The following GABRA6 variants were observed in gnomAD, a reference collection of about 807,000 sequenced individuals.
GABRA6 encodes the protein gamma-aminobutyric acid type A receptor subunit alpha6, also known as gamma-aminobutyric acid receptor subunit alpha-6.
In GABRA6, 45 loss-of-function variants were observed where a neutral mutation model predicts 47.3. The observed-to-expected ratio is 0.95, with a 90% CI of 0.75 to 1.22. The LOEUF (loss-of-function observed/expected upper bound fraction) is 1.22, where lower values mean the gene tolerates loss of function less well. Ranked by LOEUF, GABRA6 falls within the 50% of genes most tolerant of loss-of-function variation. The pLI, the probability that GABRA6 is intolerant of heterozygous loss-of-function variation, is 0.00. For missense variants in GABRA6, 583 were observed against 549.3 expected (o/e 1.06, Z -0.61); for synonymous variants, 219 against 194.7 (o/e 1.12, Z -1.04).
chr5:161,692,232 C>T, intron 8 of GABRA6, 32 bp downstream of exon 8: 6 of 1,613,622 alleles, frequency 3.7e-6, no homozygotes, highest in Non-Finnish European at 5.1e-6. Flanking sequence ...CATTACCTAC[C>T]GTAGGAAAAA....
chr5:161,696,847 A>T (rs1352974101), intron 8 of GABRA6, among the ~76,000 whole-genome samples: 1 of 152,100 alleles, frequency 6.6e-6, no homozygotes, highest in African/African-American at 2.4e-5. Context: ...TCAAAAAAAT[A>T]TTTTCTCTCA....
Position 161,702,153 on chromosome 5 carries a change from G to T in GABRA6, c.*380G>T. 4.4e-6 allele frequency: 1 copy of T among 229,822 alleles called. No individual in the cohort carries two copies. Among genetic ancestry groups the T allele is most frequent in the Non-Finnish European group, 8.7e-6 (1 of 114,832 alleles). 14.2% of individuals were successfully genotyped at this position (229,822 alleles called of 1,614,324 possible). A position where few individuals can be genotyped will look rare whatever the true frequency, so the allele number is the denominator to read the frequency against. On this transcript the variant is annotated 3_prime_UTR_variant, in exon 9 of 9. Coordinates refer to ENST00000274545, the MANE Select transcript of GABRA6 (RefSeq NM_000811.3). ...ACTTCCAAAGGTTGCCTTAAAATAT[G>T]TTTATTTTGGCTTAGTTCCCGAGAG...
Position 161,701,387 on chromosome 5 carries a change from T to C in GABRA6, c.1087-111T>C, listed in dbSNP as rs1754977661. ...GAATTCATTGATGTTTGACCTTACA[T>C]AGAAAGTAAGTCGTCAATAAATATT... On this transcript the variant is annotated intron_variant, in intron 8 of 8. Transcript: ENST00000274545. The C allele has an allele frequency of 1.3e-5, 15 of 1,196,406 alleles. No homozygotes were observed. The Admixed American group carries it at 2.6e-4, about 20-fold the overall frequency. The allele number at this position is 1,196,406 out of a possible 1,614,324, so 74.1% of individuals were successfully genotyped here. A position where few individuals can be genotyped will look rare whatever the true frequency, so the allele number is the denominator to read the frequency against.
At chr5:161,686,901 GT>G (rs2113065597) in intron 2 of GABRA6, 34 bp from the exon 3 acceptor site, 1 of 1,573,306 alleles carries the variant, frequency 6.4e-7, no homozygotes, top group East Asian at 2.2e-5. Flanking sequence ...AACATCAGTG[GT>G]GATAATTGTT....
chr5:161,690,440 C>T (rs930203987), intron 7 of GABRA6, 87 bp downstream of exon 7: 11 of 1,305,364 alleles, frequency 8.4e-6, no homozygotes, highest in Middle Eastern at 3.6e-4. Context: ...CACTGGTGCA[C>T]TTTTTCAATC....
In GABRA6 at chr5:161,692,070, T is replaced by A. The variant is rs139230878; in HGVS notation, c.956T>A (p.Ile319Asn). ...TTTGCATTCGTCTTCTCTGCGCTTA[T>A]CGAGTTCGCAGCTGTCAACTACTTT... Reference protein sequence around the residue: ...VCFAFVFSALIEFAAVNYFTN... With the variant: ...VCFAFVFSALNEFAAVNYFTN... The change falls in exon 8 of 9, where the codon ATC becomes AAC. Residue 319 changes from isoleucine (I) to asparagine (N), a missense_variant. Ile to Asn is a moderately radical substitution (Grantham distance 149). Transcript: ENST00000274545. The A allele has an allele frequency of 6.2e-7, 1 of 1,614,184 alleles. No homozygotes were observed. Among genetic ancestry groups the A allele is most frequent in the Non-Finnish European group, 8.5e-7 (1 of 1,180,030 alleles).
Position 161,696,806 on chromosome 5 carries a change from T to C in GABRA6, c.1086+4606T>C, listed in dbSNP as rs373816418. Among the ~76,000 whole-genome samples the C allele has an allele frequency of 3.7e-4, 56 of 152,310 alleles. No individual in the cohort carries two copies. The South Asian group carries it at 0.012, about 32-fold the overall frequency. ...CTAATTTTCCCCATAACGATTAATA[T>C]GATGACTTTTGCAAACTATCAATAC... On this transcript the variant is annotated intron_variant, in intron 8 of 8. Transcript: ENST00000274545.
rs1410189110 is a variant in GABRA6 at position 161,702,346 on chromosome 5, TG to T, written c.*574del. ...TTTTACCTCAATAAAATGTGGTGTT[TG>T]TATACATATAAATTATACATAGCTC... On this transcript the variant is annotated 3_prime_UTR_variant, in exon 9 of 9. Transcript: ENST00000274545. 3.8e-5 allele frequency: 6 copies of T among 157,954 alleles called. No homozygotes were observed. The highest frequency in any genetic ancestry group is 4.8e-5 in the African/African-American group (2 of 41,494). 9.8% of individuals were successfully genotyped at this position (157,954 alleles called of 1,614,324 possible).
chr5:161,686,864 T>C, intron 2 of GABRA6, 72 bp from the exon 3 acceptor site: 4 of 1,283,734 alleles, frequency 3.1e-6, no homozygotes, highest in Non-Finnish European at 4.5e-6. Context: ...AGGGGTTTGG[T>C]GGTAGAGGGC....
chr5:161,686,899 T>A (rs2113065591), intron 2 of GABRA6, 37 bp from the exon 3 acceptor site: 1 of 1,562,956 alleles, frequency 6.4e-7, no homozygotes, highest in East Asian at 2.2e-5. Flanking sequence ...TTAACATCAG[T>A]GGTGATAATT....
chr5:161,690,172 A>G, intron 6 of GABRA6, 29 bp from the exon 7 acceptor site: 1 of 1,605,942 alleles, frequency 6.2e-7, no homozygotes. Flanking sequence ...GTCAGCAGTA[A>G]TAATACTGAT....
chr5:161,687,453 T>C (rs1048789632), intron 3 of GABRA6: 7 of 447,034 alleles, frequency 1.6e-5, no homozygotes, highest in Non-Finnish European at 2.7e-5. Context: ...AGAGGTCATT[T>C]GGAAAGGCTG....
intron 8 of GABRA6, among the ~76,000 whole-genome samples, chr5:161,700,045 A>G (rs143395977): frequency 6.6e-6 from 1 of 152,328 alleles, no homozygotes; most frequent in Non-Finnish European, 1.5e-5. Flanking sequence ...CTCTGCAATA[A>G]CTATTATTAT....
chr5:161,689,499 T>C (rs900827333), intron 5 of GABRA6, 137 bp from the exon 6 acceptor site: 4 of 1,043,238 alleles, frequency 3.8e-6, no homozygotes, highest in Non-Finnish European at 5.8e-6. Flanking sequence ...AATTGAGGCT[T>C]TAGTCACCAA....
Position 161,686,916 on chromosome 5 carries a change from T to A in GABRA6, c.158-20T>A, listed in dbSNP as rs915162293. ...AACATCAGTGGTGATAATTGTTTCATCCCTCTGGGCTAATTTCAGGTGCTG... is the reference window on the plus strand; with the variant it reads ...AACATCAGTGGTGATAATTGTTTCAACCCTCTGGGCTAATTTCAGGTGCTG... On this transcript the variant is annotated intron_variant, in intron 2 of 8. Transcript: ENST00000274545. The A allele has an allele frequency of 6.2e-7, 1 of 1,610,938 alleles. No individual in the cohort carries two copies.
At chr5:161,696,425 A>G in intron 8 of GABRA6, among the ~76,000 whole-genome samples, 1 of 147,448 alleles carries the variant, frequency 6.8e-6, no homozygotes, top group East Asian at 2.0e-4. Context: ...GAGTACTGTC[A>G]TTCCTCCCTA....
Position 161,690,149 on chromosome 5 carries a change from C to T in GABRA6, c.674-52C>T, listed in dbSNP as rs1754767101. The T allele has an allele frequency of 1.3e-6, 2 of 1,542,792 alleles. 1 individual carries two copies. The highest frequency in any genetic ancestry group is 2.7e-5 in the African/African-American group (2 of 73,458). On this transcript the variant is annotated intron_variant, in intron 6 of 8. Transcript: ENST00000274545. ...GTCAAGATTTATATTCAACTGCATTCTTTTTGCAGACTGTCAGCAGTAATA... is the reference window on the plus strand; with the variant it reads ...GTCAAGATTTATATTCAACTGCATTTTTTTTGCAGACTGTCAGCAGTAATA...
intron 3 of GABRA6, among the ~76,000 whole-genome samples, 189 bp from the exon 4 acceptor site, chr5:161,688,752 ACTATCTTT>A: frequency 6.6e-6 from 1 of 152,220 alleles, no homozygotes; most frequent in Non-Finnish European, 1.5e-5. Context: ...ATATCACAGC[ACTATCTTT>A]TATAACAATG....
chr5:161,695,831 A>G (rs1263066697), intron 8 of GABRA6, among the ~76,000 whole-genome samples: 1 of 151,776 alleles, frequency 6.6e-6, no homozygotes, highest in Admixed American at 6.6e-5. Flanking sequence ...TCCATCTGGC[A>G]CCTATTTATT....
Sources: gnomAD v4.1 joint callset for allele counts (sites outside exome capture counted in the v4.1 genomes callset) on GRCh38, gnomAD v4.1.1 for gene constraint, MANE v1.5 for transcripts, NCBI Gene and HGNC (gene_info 2026-07-23, HGNC 2026-07-21) for gene names.